Variants in FGD4 observed in about 807,000 individuals in gnomAD.
FGD4 encodes the protein FYVE, RhoGEF and PH domain-containing protein 4.
Under a neutral mutation model 102.0 loss-of-function variants are expected in FGD4, and 42 were observed. The ratio of observed to expected loss-of-function variants is 0.41; its 90% CI spans 0.32 to 0.53. The LOEUF is 0.53. Ranked by LOEUF, FGD4 falls within the 20% of genes least tolerant of loss-of-function variation. The pLI, the probability that FGD4 is intolerant of heterozygous loss-of-function variation, is 0.21. For missense variants in FGD4, 902 were observed against 1,078.2 expected (o/e 0.84, Z 2.29); for synonymous variants, 380 against 375.7 (o/e 1.01, Z -0.13).
rs550767958 is a variant in FGD4 at position 32,522,695 on chromosome 12, C to T, written c.167-41442C>T. 2.6e-5 allele frequency among the ~76,000 whole-genome samples: 4 copies of T among 152,284 alleles called. No homozygotes were observed. In the South Asian group the frequency reaches 8.3e-4, roughly 32 times the overall value. Reference sequence around the variant, plus strand: ...TTATGAAAACATTTTTTCTTGACTTCCTTCTCAAAACCTTGGGTGATTGAT... The same window carrying T: ...TTATGAAAACATTTTTTCTTGACTTTCTTCTCAAAACCTTGGGTGATTGAT... On this transcript the variant is annotated intron_variant, in intron 1 of 16. Coordinates refer to ENST00000534526, the MANE Select transcript of FGD4 (RefSeq NM_001370298.3).
At chr12:32,618,692 C>T (rs1003669860) in intron 10 of FGD4, among the ~76,000 whole-genome samples, 2 of 151,954 alleles carry the variant, frequency 1.3e-5, no homozygotes, top group African/African-American at 2.4e-5. Context: ...TAATTGAGGC[C>T]GGGCATGGTG....
At chr12:32,620,877 G>C (rs1453186335) in intron 11 of FGD4, among the ~76,000 whole-genome samples, 1 of 150,106 alleles carries the variant, frequency 6.7e-6, no homozygotes, top group African/African-American at 2.5e-5. Flanking sequence ...TGACCAGGCT[G>C]GTCTCGAACT....
chr12:32,630,834 C>G (rs929405940), intron 14 of FGD4, among the ~76,000 whole-genome samples: 1 of 142,730 alleles, frequency 7.0e-6, no homozygotes, highest in African/African-American at 2.8e-5. Context: ...AAAAATTAGC[C>G]TGGTGTGGTG....
intron 4 of FGD4, among the ~76,000 whole-genome samples, chr12:32,590,381 C>G (rs1188943237): frequency 4.7e-5 from 7 of 149,106 alleles, no homozygotes; most frequent in African/African-American, 1.7e-4. Context: ...CTCTCTCTCT[C>G]TTTTTAATAA....
intron 1 of FGD4, among the ~76,000 whole-genome samples, chr12:32,462,947 T>C (rs996508284): frequency 6.6e-6 from 1 of 152,228 alleles, no homozygotes; most frequent in African/African-American, 2.4e-5. Flanking sequence ...TGTATTTCTT[T>C]TGTGGGGGGA....
At chr12:32,574,279 C>T (rs1286233806) in intron 2 of FGD4, among the ~76,000 whole-genome samples, 2 of 150,520 alleles carry the variant, frequency 1.3e-5, no homozygotes, top group African/African-American at 2.4e-5. Flanking sequence ...AAATTATATT[C>T]ACTTCCTTTA....
At position 32,608,079 on chromosome 12, in the gene FGD4, CT is replaced by C; in HGVS notation, c.1528del (p.Trp510GlyfsTer22). 1 of 1,614,188 alleles carries C rather than the reference CT, an allele frequency of 6.2e-7. No individual in the cohort carries two copies. The highest frequency in any genetic ancestry group is 8.5e-7 in the Non-Finnish European group (1 of 1,180,022). On this transcript the variant is annotated frameshift_variant, in exon 8 of 17. Coordinates refer to ENST00000534526, the MANE Select transcript of FGD4 (RefSeq NM_001370298.3). LOFTEE classifies it high-confidence loss of function. The part of the protein sequence containing the change: ...LRKLPPDSLD[W>X]NDAKKSLEII... ...GGAAATTGCCTCCTGATTCCCTGGA[CT>C]GGAATGATGCTAAAAGTAAATGCTT...
intron 1 of FGD4, among the ~76,000 whole-genome samples, chr12:32,446,981 G>A (rs903024631): frequency 6.6e-5 from 10 of 152,182 alleles, no homozygotes; most frequent in African/African-American, 2.2e-4. Context: ...TGTGTTAGCA[G>A]CCTTGGGCTG....
chr12:32,530,770 G>A (rs146273955), intron 1 of FGD4, among the ~76,000 whole-genome samples: 4 of 152,156 alleles, frequency 2.6e-5, no homozygotes, highest in East Asian at 1.9e-4. Context: ...AATGGATAAT[G>A]TATGGGGAAT....
rs1942578067 is a variant in FGD4, at chr12:32,445,278, T to C, written c.166+45319T>C. 5.9e-5 allele frequency among the ~76,000 whole-genome samples: 9 copies of C among 152,264 alleles called. No individual in the cohort carries two copies. In the South Asian group the frequency reaches 1.7e-3, roughly 28 times the overall value. On this transcript the variant is annotated intron_variant, in intron 1 of 16. Transcript: ENST00000534526. ...TCCTTTGAAAGGAATACAATATTCA[T>C]AATGTGACTGTTTTAAAATAAATTT...
intron 1 of FGD4, among the ~76,000 whole-genome samples, chr12:32,549,358 T>C (rs1361676042): frequency 6.6e-6 from 1 of 152,178 alleles, no homozygotes; most frequent in African/African-American, 2.4e-5. Context: ...GCCTGGCTCT[T>C]AATTCTGGGG....
At chr12:32,633,491 A>G in intron 14 of FGD4, 58 bp from the exon 15 acceptor site, 1 of 1,534,532 alleles carries the variant, frequency 6.5e-7, no homozygotes, top group Non-Finnish European at 8.9e-7. Flanking sequence ...ATAACTGATT[A>G]CTGCTTAAAT....
At chr12:32,408,780 C>G (rs1046212635) in intron 1 of FGD4, among the ~76,000 whole-genome samples, 1 of 152,198 alleles carries the variant, frequency 6.6e-6, no homozygotes, top group Admixed American at 6.5e-5. Context: ...TATTTTCAGC[C>G]CTTCTTAATT....
At chr12:32,464,298 G>A (rs757298609) in intron 1 of FGD4, among the ~76,000 whole-genome samples, 4 of 152,030 alleles carry the variant, frequency 2.6e-5, no homozygotes, top group African/African-American at 9.7e-5. Context: ...GACTACAGGC[G>A]CGCACCACTT....
At chr12:32,570,603 G>A (rs375941455) in intron 2 of FGD4, among the ~76,000 whole-genome samples, 3 of 151,826 alleles carry the variant, frequency 2.0e-5, no homozygotes, top group Non-Finnish European at 4.4e-5. Flanking sequence ...CACCACGCCC[G>A]GCTAATTTTT....
chr12:32,411,637 A>G (rs1374773283), intron 1 of FGD4, among the ~76,000 whole-genome samples: 1 of 152,104 alleles, frequency 6.6e-6, no homozygotes, highest in Non-Finnish European at 1.5e-5. Flanking sequence ...CTGAGGGGTC[A>G]TTGCTTACCA....
chr12:32,441,192 C>T (rs914188707), intron 1 of FGD4, among the ~76,000 whole-genome samples: 2 of 152,120 alleles, frequency 1.3e-5, no homozygotes, highest in African/African-American at 4.8e-5. Flanking sequence ...CTTTACTTTT[C>T]CCTCTGCTTT....
At chr12:32,561,862 G>A (rs1944623496) in intron 1 of FGD4, among the ~76,000 whole-genome samples, 1 of 152,248 alleles carries the variant, frequency 6.6e-6, no homozygotes, top group Middle Eastern at 3.4e-3. Flanking sequence ...GAACATTTTG[G>A]AGTTTTTGAG....
At chr12:32,492,958 T>A (rs1944163238) in intron 1 of FGD4, among the ~76,000 whole-genome samples, 1 of 152,204 alleles carries the variant, frequency 6.6e-6, no homozygotes, top group Non-Finnish European at 1.5e-5. Context: ...GAACAGCCTC[T>A]AAGAGAATGT....
Sources: allele counts gnomAD v4.1 joint callset (sites outside exome capture counted in the v4.1 genomes callset), GRCh38; gene constraint gnomAD v4.1.1; transcripts MANE v1.5; gene names NCBI Gene and HGNC (gene_info 2026-07-23, HGNC 2026-07-21).